The following ANAPC10 variants were observed in gnomAD, a reference collection of about 807,000 sequenced individuals.
ANAPC10 encodes the protein anaphase promoting complex subunit 10.
In ANAPC10, 12 loss-of-function variants were observed where a neutral mutation model predicts 22.0. The observed-to-expected ratio is 0.55, with a 90% CI of 0.35 to 0.88. The LOEUF (loss-of-function observed/expected upper bound fraction) is 0.88, where lower values mean the gene tolerates loss of function less well. Among genes scored for constraint, ANAPC10 ranks in the 40% least tolerant of loss-of-function variants. The pLI, the probability that ANAPC10 is intolerant of heterozygous loss-of-function variation, is 0.01. For missense variants in ANAPC10, 188 were observed against 220.9 expected (o/e 0.85, Z 0.94); for synonymous variants, 65 against 69.5 (o/e 0.94, Z 0.32).
chr4:145,010,490 G>C (rs1213404378), intron 4 of ANAPC10, among the ~76,000 whole-genome samples: 4 of 152,154 alleles, frequency 2.6e-5, no homozygotes, highest in Admixed American at 2.0e-4. Flanking sequence ...ATACTATGCA[G>C]CCATAAAAAA....
chr4:145,088,709 T>C (rs890878947), intron 2 of ANAPC10, among the ~76,000 whole-genome samples: 3 of 152,218 alleles, frequency 2.0e-5, no homozygotes, highest in African/African-American at 4.8e-5. Flanking sequence ...CTATCAACCA[T>C]TATCCACAGT....
intron 2 of ANAPC10, among the ~76,000 whole-genome samples, chr4:145,083,448 C>G (rs976575170): frequency 2.6e-5 from 4 of 152,094 alleles, no homozygotes; most frequent in African/African-American, 9.7e-5. Flanking sequence ...GAATAGATTT[C>G]TAGGAATAGA....
intron 4 of ANAPC10, among the ~76,000 whole-genome samples, chr4:145,020,368 T>A (rs546335156): frequency 6.6e-6 from 1 of 152,120 alleles, no homozygotes; most frequent in South Asian, 2.1e-4. Context: ...AAAAAGCATT[T>A]GACAAAATCC....
intron 4 of ANAPC10, among the ~76,000 whole-genome samples, chr4:145,054,828 C>T (rs1033323651): frequency 1.3e-5 from 2 of 151,928 alleles, no homozygotes; most frequent in Non-Finnish European, 2.9e-5. Flanking sequence ...GTTCTTTCTC[C>T]TTGTTATGTA....
intron 4 of ANAPC10, among the ~76,000 whole-genome samples, chr4:145,032,753 C>G (rs1737818221): frequency 6.6e-6 from 1 of 152,202 alleles, no homozygotes; most frequent in Non-Finnish European, 1.5e-5. Context: ...AACACTGAGC[C>G]CTTGATGTGG....
intron 2 of ANAPC10, among the ~76,000 whole-genome samples, chr4:145,085,387 C>T (rs1432385854): frequency 2.0e-4 from 30 of 151,766 alleles, no homozygotes; most frequent in Admixed American, 1.8e-3. Flanking sequence ...ACGATTCTTC[C>T]GTAAAAGCTC....
chr4:145,037,946 CAAAAAAAA>C (rs36071811), intron 4 of ANAPC10, among the ~76,000 whole-genome samples: 17 of 71,662 alleles, frequency 2.4e-4, no homozygotes, highest in Non-Finnish European at 5.0e-4. Flanking sequence ...AACCCTGTCT[CAAAAAAAA>C]AAAAAAAAAA....
intron 4 of ANAPC10, among the ~76,000 whole-genome samples, chr4:144,997,072 G>T (rs897182675): frequency 7.9e-5 from 12 of 152,204 alleles, no homozygotes; most frequent in Non-Finnish European, 1.6e-4. Context: ...AAGCCTCCAA[G>T]AAATATGGTA....
intron 3 of ANAPC10, among the ~76,000 whole-genome samples, chr4:145,065,604 T>G (rs1458282697): frequency 6.6e-6 from 1 of 151,970 alleles, no homozygotes; most frequent in Admixed American, 6.6e-5. Context: ...TGTCCTGTGA[T>G]TAAATCACTA....
intron 2 of ANAPC10, among the ~76,000 whole-genome samples, chr4:145,082,595 G>A (rs1405042415): frequency 6.6e-6 from 1 of 152,120 alleles, no homozygotes. Flanking sequence ...CAAGAAAAAA[G>A]ATGACTTAAA....
chr4:145,015,211 G>T (rs1482186450), intron 4 of ANAPC10, among the ~76,000 whole-genome samples: 1 of 151,962 alleles, frequency 6.6e-6, no homozygotes, highest in African/African-American at 2.4e-5. Context: ...TGAAAGGAGA[G>T]ATATTCAAGG....
At chr4:145,081,800 T>A (rs201073598) in intron 2 of ANAPC10, 50 bp from the exon 3 acceptor site, 2 of 1,253,338 alleles carry the variant, frequency 1.6e-6, no homozygotes, top group South Asian at 1.3e-5. Flanking sequence ...GAAACAACTA[T>A]ACATGCAAAA....
At chr4:145,017,170 C>T (rs1018946376) in intron 4 of ANAPC10, among the ~76,000 whole-genome samples, 4 of 152,100 alleles carry the variant, frequency 2.6e-5, no homozygotes, top group African/African-American at 7.2e-5. Context: ...AAACTACCAT[C>T]GGAGTAAACA....
chr4:145,031,420 T>G (rs1737562804), intron 4 of ANAPC10, among the ~76,000 whole-genome samples: 1 of 152,184 alleles, frequency 6.6e-6, no homozygotes. Flanking sequence ...AGATATTCCT[T>G]CTAAGGTGAA....
At chr4:145,012,737 A>G (rs1445048616) in intron 4 of ANAPC10, among the ~76,000 whole-genome samples, 1 of 152,192 alleles carries the variant, frequency 6.6e-6, no homozygotes, top group East Asian at 1.9e-4. Context: ...AATATTTAAA[A>G]AATAACCTAA....
chr4:145,012,145 A>C (rs1403269787), intron 4 of ANAPC10, among the ~76,000 whole-genome samples: 4 of 150,072 alleles, frequency 2.7e-5, no homozygotes, highest in South Asian at 4.2e-4. Context: ...TGTGGGCCAC[A>C]ATTACAAGCT....
intron 4 of ANAPC10, among the ~76,000 whole-genome samples, chr4:145,028,582 T>G (rs913552796): frequency 6.6e-6 from 1 of 152,162 alleles, no homozygotes; most frequent in African/African-American, 2.4e-5. Flanking sequence ...TGGGGTTGTT[T>G]CATTGGTTTT....
intron 4 of ANAPC10, among the ~76,000 whole-genome samples, chr4:145,004,391 G>T (rs1733030150): frequency 6.6e-6 from 1 of 152,172 alleles, no homozygotes; most frequent in African/African-American, 2.4e-5. Flanking sequence ...GAATAGGAGT[G>T]GTGAGTGAAG....
intron 2 of ANAPC10, among the ~76,000 whole-genome samples, chr4:145,094,067 CA>C (rs1302688309): frequency 6.6e-6 from 1 of 152,150 alleles, no homozygotes; most frequent in Non-Finnish European, 1.5e-5. Context: ...TACCAGAAGG[CA>C]AGGATAACTG....
Sources: gnomAD v4.1 joint callset for allele counts (sites outside exome capture counted in the v4.1 genomes callset) on GRCh38, gnomAD v4.1.1 for gene constraint, MANE v1.5 for transcripts, NCBI Gene and HGNC (gene_info 2026-07-23, HGNC 2026-07-21) for gene names.